Variants in THSD7B observed in about 807,000 individuals in gnomAD.
THSD7B encodes thrombospondin type-1 domain-containing protein 7B.
In THSD7B, 138 loss-of-function variants were observed where a neutral mutation model predicts 213.6. The ratio of observed to expected loss-of-function variants is 0.65; its 90% CI spans 0.56 to 0.74. The LOEUF is 0.74. Among genes scored for constraint, THSD7B ranks in the 30% least tolerant of loss-of-function variants. The pLI is 0.00. For synonymous variants in THSD7B, 742 were observed against 687.0 expected, an observed-to-expected ratio of 1.08 and a Z score of -1.25; for missense variants, 1,931 against 1,991.5, an observed-to-expected ratio of 0.97 and a Z score of 0.58.
rs1553481026 is a variant in THSD7B at position 137,228,158 on chromosome 2, T to TTC, written c.1724-2885_1724-2884dup. 2.5e-3 allele frequency among the ~76,000 whole-genome samples: 371 copies of TTC among 149,198 alleles called. 4 individuals are homozygous for TTC. Among genetic ancestry groups the TTC allele is most frequent in the East Asian group, 0.01 (51 of 5,036 alleles). On this transcript the variant is annotated intron_variant, in intron 7 of 27. Transcript: ENST00000409968. The stretch of plus-strand genomic sequence containing the variant: ...TCACTGTGCAGCTGTTTTTTTTTTT[T>TTC]TCAAGATTTCTTTTAAAATAACTCC...
chr2:137,048,588 C>T (rs1383204045), intron 2 of THSD7B, among the ~76,000 whole-genome samples: 6 of 152,094 alleles, frequency 3.9e-5, no homozygotes, highest in African/African-American at 7.2e-5. Flanking sequence ...TCTTGAGTTG[C>T]GTAATGGTAA....
intron 1 of THSD7B, among the ~76,000 whole-genome samples, chr2:136,829,957 G>A (rs1018041033): frequency 6.6e-6 from 1 of 151,610 alleles, no homozygotes; most frequent in African/African-American, 2.4e-5. Flanking sequence ...TATTATACAA[G>A]CTCTAAGTTG....
At chr2:137,178,227 C>A in intron 7 of THSD7B, among the ~76,000 whole-genome samples, 1 of 148,266 alleles carries the variant, frequency 6.7e-6, no homozygotes. Context: ...CTATGAATTA[C>A]TAAATGATCA....
intron 12 of THSD7B, among the ~76,000 whole-genome samples, chr2:137,325,093 T>G (rs1470248665): frequency 6.6e-6 from 1 of 152,252 alleles, no homozygotes; most frequent in East Asian, 1.9e-4. Flanking sequence ...AAGAAGTCAC[T>G]GGACAGGCGG....
At position 137,275,905 on chromosome 2, in the gene THSD7B, C is replaced by A; in HGVS notation, c.2397-18C>A. The A allele has an allele frequency of 6.3e-7, 1 of 1,591,516 alleles. No homozygotes were observed. Among genetic ancestry groups the A allele is most frequent in the South Asian group, 1.1e-5 (1 of 88,634 alleles). On this transcript the variant is annotated intron_variant, in intron 11 of 27. Transcript: ENST00000409968. ...GATCACAGTAAAGTTTCTAGTCCAT[C>A]GTTTTTGGTAATCACAGGTGGAAGC...
chr2:137,469,970 G>C (rs892572627), intron 15 of THSD7B, among the ~76,000 whole-genome samples: 1 of 152,122 alleles, frequency 6.6e-6, no homozygotes, highest in Non-Finnish European at 1.5e-5. Flanking sequence ...GGTTAGATTT[G>C]GGGGAAAACA....
intron 2 of THSD7B, among the ~76,000 whole-genome samples, chr2:137,023,912 G>T (rs987213): frequency 6.7e-6 from 1 of 148,916 alleles, no homozygotes. Flanking sequence ...ATTTCTCTTC[G>T]TCCTTCTAGT....
At chr2:137,322,039 C>T (rs551864530) in intron 12 of THSD7B, among the ~76,000 whole-genome samples, 2 of 152,308 alleles carry the variant, frequency 1.3e-5, no homozygotes, top group South Asian at 2.1e-4. Flanking sequence ...CATTACTTCT[C>T]ATATGTTGGA....
chr2:137,288,585 A>G (rs930303234), intron 12 of THSD7B, among the ~76,000 whole-genome samples: 2 of 152,022 alleles, frequency 1.3e-5, no homozygotes, highest in Non-Finnish European at 2.9e-5. Context: ...AAATAAAACA[A>G]TGGGACTTAA....
chr2:137,545,645 A>G (rs532300289), intron 15 of THSD7B, among the ~76,000 whole-genome samples: 1 of 152,038 alleles, frequency 6.6e-6, no homozygotes, highest in East Asian at 1.9e-4. Context: ...GCTTCCTGCT[A>G]AGGAGTCATA....
intron 15 of THSD7B, among the ~76,000 whole-genome samples, chr2:137,508,514 C>A (rs1473318714): frequency 2.0e-5 from 3 of 149,862 alleles, no homozygotes; most frequent in Non-Finnish European, 4.4e-5. Context: ...GTAGCTGGGA[C>A]TACAGGCGCC....
At chr2:137,248,555 G>A (rs1682094763) in intron 10 of THSD7B, among the ~76,000 whole-genome samples, 1 of 152,142 alleles carries the variant, frequency 6.6e-6, no homozygotes, top group Admixed American at 6.5e-5. Flanking sequence ...CAATCTGAAT[G>A]TCAAAAAGGT....
chr2:137,664,948 A>G (rs768227810), intron 26 of THSD7B, among the ~76,000 whole-genome samples: 3 of 152,352 alleles, frequency 2.0e-5, no homozygotes, highest in South Asian at 4.1e-4. Flanking sequence ...GGCCTTAGCC[A>G]TACCAGAAAT....
chr2:137,007,985 A>G (rs1269357853), intron 2 of THSD7B, among the ~76,000 whole-genome samples: 1 of 152,170 alleles, frequency 6.6e-6, no homozygotes, highest in Non-Finnish European at 1.5e-5. Flanking sequence ...GGTTTCAGCA[A>G]TAGTTAGTTG....
chr2:137,579,338 A>G (rs1046211616), intron 17 of THSD7B, among the ~76,000 whole-genome samples: 1 of 152,172 alleles, frequency 6.6e-6, no homozygotes, highest in African/African-American at 2.4e-5. Context: ...TTTTCCTGCC[A>G]TTATACTCAA....
chr2:137,631,133 G>A (rs752967740), intron 20 of THSD7B, among the ~76,000 whole-genome samples: 1 of 152,176 alleles, frequency 6.6e-6, no homozygotes, highest in Non-Finnish European at 1.5e-5. Context: ...TTGTGTTAAA[G>A]ATTTCAAGGT....
intron 12 of THSD7B, among the ~76,000 whole-genome samples, chr2:137,287,438 A>G (rs1190043730): frequency 6.6e-6 from 1 of 152,140 alleles, no homozygotes; most frequent in African/African-American, 2.4e-5. Context: ...TACGTGAATA[A>G]TGATTCTGTG....
chr2:137,437,756 G>A (rs753632719), intron 14 of THSD7B, among the ~76,000 whole-genome samples: 6 of 152,134 alleles, frequency 3.9e-5, no homozygotes, highest in Non-Finnish European at 5.9e-5. Flanking sequence ...CCAGCCTTCA[G>A]GCTCTGTGTT....
intron 2 of THSD7B, among the ~76,000 whole-genome samples, chr2:136,962,124 T>C (rs1262317771): frequency 1.3e-5 from 2 of 152,196 alleles, no homozygotes; most frequent in Non-Finnish European, 2.9e-5. Context: ...GGAGAAAGAC[T>C]GCACAAGCCA....
Sources: gnomAD v4.1 joint callset for allele counts (sites outside exome capture counted in the v4.1 genomes callset) on GRCh38, gnomAD v4.1.1 for gene constraint, MANE v1.5 for transcripts, NCBI Gene and HGNC (gene_info 2026-07-23, HGNC 2026-07-21) for gene names.